XRCC1: variants seen among roughly 807,000 people sequenced by gnomAD.
XRCC1 encodes the protein DNA repair protein XRCC1.
In XRCC1, 52 loss-of-function variants were observed where a neutral mutation model predicts 83.3. The observed-to-expected ratio is 0.62, with a 90% CI of 0.50 to 0.79. XRCC1 has a LOEUF of 0.79. Ranked by LOEUF, XRCC1 falls within the 30% of genes least tolerant of loss-of-function variation. XRCC1 has a pLI of 0.00. For missense variants in XRCC1, 793 were observed against 823.5 expected (o/e 0.96, Z 0.45); for synonymous variants, 281 against 312.6 (o/e 0.90, Z 1.07).
At chr19:43,559,043 A>G (rs1972668333) in intron 3 of XRCC1, among the ~76,000 whole-genome samples, 1 of 152,136 alleles carries the variant, frequency 6.6e-6, no homozygotes, top group Non-Finnish European at 1.5e-5. Context: ...CAGGAGGCTG[A>G]GGCTGGAGAA....
chr19:43,556,505 T>C (rs929760781), intron 3 of XRCC1, among the ~76,000 whole-genome samples: 1 of 152,114 alleles, frequency 6.6e-6, no homozygotes, highest in Non-Finnish European at 1.5e-5. Flanking sequence ...CAATCTGCAT[T>C]GAAAAACCCA....
intron 1 of XRCC1, 36 bp downstream of exon 1, chr19:43,575,372 T>C (rs773899718): frequency 3.2e-6 from 5 of 1,570,414 alleles, no homozygotes; most frequent in Non-Finnish European, 3.5e-6. Context: ...ATTAATTCCC[T>C]CACGTCTTCC....
At chr19:43,566,633 C>T (rs1186113333) in intron 2 of XRCC1, among the ~76,000 whole-genome samples, 1 of 151,414 alleles carries the variant, frequency 6.6e-6, no homozygotes, top group East Asian at 1.9e-4. Flanking sequence ...AATCCCAACA[C>T]TTTGGGAGGC....
rs1299294149 is a variant in XRCC1, at chr19:43,546,032, AC to A, written c.1481+19del. On this transcript the variant is annotated intron_variant, in intron 13 of 16. Coordinates refer to ENST00000262887, the MANE Select transcript of XRCC1 (RefSeq NM_006297.3). ...TACACCCAAGGCCAGGGACACCCCA[AC>A]CCCCAGCCCCAGCCCTACCTCCTCA... 1 of 1,613,434 alleles carries A rather than the reference AC, an allele frequency of 6.2e-7. No homozygotes were observed. Among genetic ancestry groups the A allele is most frequent in the Non-Finnish European group, 8.5e-7 (1 of 1,179,790 alleles).
intron 10 of XRCC1, among the ~76,000 whole-genome samples, chr19:43,548,646 AG>A (rs1437733380): frequency 6.6e-6 from 1 of 152,108 alleles, no homozygotes; most frequent in Non-Finnish European, 1.5e-5. Context: ...GGAAGGCCGC[AG>A]GGTCCTCTGC....
chr19:43,544,370 AC>A, intron 14 of XRCC1, 136 bp from the exon 15 acceptor site: 1 of 738,640 alleles, frequency 1.4e-6, no homozygotes, highest in Non-Finnish European at 2.2e-6. Flanking sequence ...CAGGCAGTGG[AC>A]CCTGCCCAGC....
At chr19:43,564,368 C>T (rs1290901691) in intron 2 of XRCC1, among the ~76,000 whole-genome samples, 1 of 152,182 alleles carries the variant, frequency 6.6e-6, no homozygotes, top group Non-Finnish European at 1.5e-5. Flanking sequence ...TGCTGCTTGC[C>T]TGGGTGTCCC....
chr19:43,568,145 T>C (rs1251800558), intron 2 of XRCC1, among the ~76,000 whole-genome samples: 1 of 151,618 alleles, frequency 6.6e-6, no homozygotes, highest in East Asian at 2.0e-4. Context: ...AGTGCTGGGA[T>C]TACAGGCGTG....
At chr19:43,547,944 G>A (rs1004892908) in intron 10 of XRCC1, among the ~76,000 whole-genome samples, 2 of 152,178 alleles carry the variant, frequency 1.3e-5, no homozygotes, top group Admixed American at 6.5e-5. Context: ...ACATTTTAAA[G>A]ACTACAACAC....
intron 3 of XRCC1, among the ~76,000 whole-genome samples, chr19:43,557,951 T>C (rs1452377085): frequency 6.6e-6 from 1 of 152,112 alleles, no homozygotes; most frequent in East Asian, 1.9e-4. Flanking sequence ...TTGTACAAAG[T>C]ATCTGATGTT....
In XRCC1 at chr19:43,575,493, G is replaced by A; in HGVS notation, c.-35C>T. ...GTGGGCTTCGCCTGGCCAGAAGGAT[G>A]AGGTAGAGTATGGGGTCCGAGGGGC... On this transcript the variant is annotated 5_prime_UTR_variant, in exon 1 of 17. Coordinates refer to ENST00000262887, the MANE Select transcript of XRCC1 (RefSeq NM_006297.3). 1 of 1,609,456 alleles carries A rather than the reference G, an allele frequency of 6.2e-7. No homozygotes were observed.
rs545383333 is a variant in XRCC1 at position 43,546,066 on chromosome 19, C to T, written c.1467G>A (p.Glu489=). The change falls in exon 13 of 17, where the codon GAG becomes GAA. Residue 489 remains glutamate, a synonymous_variant. Coordinates refer to ENST00000262887, the MANE Select transcript of XRCC1 (RefSeq NM_006297.3). The part of the protein sequence containing the change: ...DNGAEDSGDT[E]DELRRVAEQK... ...CCCAGCCCTACCTCCTCAGCTCATC[C>T]TCTGTGTCCCCAGAATCTTCCGCCC... 6.2e-7 allele frequency: 1 copy of T among 1,613,686 alleles called. No homozygotes were observed. Among genetic ancestry groups the T allele is most frequent in the Admixed American group, 1.7e-5 (1 of 59,994 alleles).
At chr19:43,554,608 G>A in intron 4 of XRCC1, 38 bp downstream of exon 4, 1 of 1,576,192 alleles carries the variant, frequency 6.3e-7, no homozygotes, top group Non-Finnish European at 8.6e-7. Flanking sequence ...CCTTGCCCAG[G>A]ACCAAGGACT....
intron 14 of XRCC1, among the ~76,000 whole-genome samples, chr19:43,545,017 T>G (rs941922906): frequency 5.9e-5 from 9 of 152,174 alleles, no homozygotes; most frequent in African/African-American, 2.2e-4. Flanking sequence ...TCACCTTTGC[T>G]CTCCTTTCCA....
At chr19:43,567,737 G>A (rs1176892068) in intron 2 of XRCC1, among the ~76,000 whole-genome samples, 1 of 152,140 alleles carries the variant, frequency 6.6e-6, no homozygotes, top group Non-Finnish European at 1.5e-5. Flanking sequence ...CCGATGGCCT[G>A]GGTTCGTGTG....
intron 15 of XRCC1, 104 bp from the exon 16 acceptor site, chr19:43,543,791 A>G: frequency 2.8e-6 from 3 of 1,076,022 alleles, no homozygotes; most frequent in South Asian, 2.8e-5. Context: ...GTCCCCACCT[A>G]TGCGCCTCTA....
At chr19:43,547,015 G>A (rs1054090487) in intron 10 of XRCC1, 38 bp from the exon 11 acceptor site, 17 of 1,598,846 alleles carry the variant, frequency 1.1e-5, no homozygotes, top group Non-Finnish European at 1.4e-5. Context: ...ACAGGCCCAA[G>A]GGAAGTGGGG....
intron 3 of XRCC1, 23 bp from the exon 4 acceptor site, chr19:43,554,827 C>T (rs764747979): frequency 6.2e-7 from 1 of 1,600,842 alleles, no homozygotes; most frequent in South Asian, 1.1e-5. Context: ...AGCCACAGTG[C>T]ATGAGAACCA....
chr19:43,569,122 T>A (rs116231775), intron 2 of XRCC1, among the ~76,000 whole-genome samples: 3,523 of 147,930 alleles, frequency 0.024, 61 homozygotes, highest in Middle Eastern at 0.056. Context: ...AAAAAGAAAA[T>A]CAAATATAAA....
Sources: allele counts gnomAD v4.1 joint callset (sites outside exome capture counted in the v4.1 genomes callset), GRCh38; gene constraint gnomAD v4.1.1; transcripts MANE v1.5; gene names NCBI Gene and HGNC (gene_info 2026-07-23, HGNC 2026-07-21).